PAFAH1B2: variants seen among roughly 807,000 people sequenced by gnomAD.
PAFAH1B2 encodes the protein platelet-activating factor acetylhydrolase IB subunit alpha2.
In PAFAH1B2, 8 loss-of-function variants were observed where a neutral mutation model predicts 28.0. The observed-to-expected ratio is 0.29, with a 90% CI of 0.17 to 0.52. The LOEUF is 0.52. Ranked by LOEUF, PAFAH1B2 falls within the 20% of genes least tolerant of loss-of-function variation. The pLI is 0.97. For missense variants in PAFAH1B2, 190 were observed against 282.6 expected, an observed-to-expected ratio of 0.67 and a Z score of 2.35; for synonymous variants, 104 against 103.2, an observed-to-expected ratio of 1.01 and a Z score of -0.05.
chr11:117,154,135 AC>A (rs1200902204), intron 2 of PAFAH1B2, among the ~76,000 whole-genome samples: 1 of 151,750 alleles, frequency 6.6e-6, no homozygotes, highest in African/African-American at 2.4e-5. Flanking sequence ...AAAGAAGTAT[AC>A]CACAGTTGAT....
At position 117,168,773 on chromosome 11, in the gene PAFAH1B2, T is replaced by C; in HGVS notation, c.*1074T>C. On this transcript the variant is annotated 3_prime_UTR_variant, in exon 6 of 6. Coordinates refer to ENST00000527958, the MANE Select transcript of PAFAH1B2 (RefSeq NM_002572.4). ...ATATCTTAAGGTGTATATTTTATTTTTTTTATTGGCTTAGTTGTTTTTTGT... is the reference window on the plus strand; with the variant it reads ...ATATCTTAAGGTGTATATTTTATTTCTTTTATTGGCTTAGTTGTTTTTTGT... 9.9e-7 allele frequency: 1 copy of C among 1,008,918 alleles called. No homozygotes were observed. Among genetic ancestry groups the C allele is most frequent in the Non-Finnish European group, 1.2e-6 (1 of 832,366 alleles). The allele number at this position is 1,008,918 out of a possible 1,614,324, so 62.5% of individuals were successfully genotyped here.
downstream of PAFAH1B2, chr11:117,171,803 G>GT (rs1357937269): frequency 2.2e-6 from 3 of 1,365,276 alleles, no homozygotes; most frequent in Non-Finnish European, 3.0e-6. Flanking sequence ...TGTGATCTTT[G>GT]TATCATTTGC....
rs1956606447 is a variant in PAFAH1B2 at position 117,169,733 on chromosome 11, A to C, written c.*2034A>C. 9.5e-7 allele frequency: 1 copy of C among 1,057,820 alleles called. No individual in the cohort carries two copies. The highest frequency in any genetic ancestry group is 5.3e-5 in the East Asian group (1 of 19,000). 65.5% of individuals were successfully genotyped at this position (1,057,820 alleles called of 1,614,324 possible). On this transcript the variant is annotated 3_prime_UTR_variant, in exon 6 of 6. Coordinates refer to ENST00000527958, the MANE Select transcript of PAFAH1B2 (RefSeq NM_002572.4). ...TTTAGTAGCCCAGGTTGAGTTTTTC[A>C]CAAGAGATTTTTTTCTTAGCTGAGG...
chr11:117,170,444 A>AG lies in PAFAH1B2; in HGVS notation c.*2748dup, dbSNP rs1956625795. On this transcript the variant is annotated 3_prime_UTR_variant, in exon 6 of 6. Transcript: ENST00000527958. Reference sequence around the variant, plus strand: ...GAAGATGTACTGCCACGGGTGATCTAGGGCAGGCTGTCTTCCAGTCCATGT... The same window carrying AG: ...GAAGATGTACTGCCACGGGTGATCTAGGGGCAGGCTGTCTTCCAGTCCATGT... 12 of 1,059,618 alleles carry AG rather than the reference A, an allele frequency of 1.1e-5. No individual in the cohort carries two copies. In the South Asian group the frequency reaches 4.6e-4, roughly 40 times the overall value. The allele number at this position is 1,059,618 out of a possible 1,614,324, so 65.6% of individuals were successfully genotyped here.
intron 5 of PAFAH1B2, 173 bp downstream of exon 5, chr11:117,164,065 C>G (rs1565271430): frequency 1.6e-6 from 1 of 620,982 alleles, no homozygotes; most frequent in East Asian, 2.9e-5. Flanking sequence ...TCATCATTCC[C>G]CATACCAGCT....
At chr11:117,159,685 A>G in intron 2 of PAFAH1B2, 2 of 381,026 alleles carry the variant, frequency 5.2e-6, no homozygotes, top group South Asian at 1.1e-4. Flanking sequence ...CAGTGAGCCA[A>G]GATCACGCCA....
At chr11:117,152,336 C>A in intron 1 of PAFAH1B2, 105 bp from the exon 2 acceptor site, 2 of 672,142 alleles carry the variant, frequency 3.0e-6, no homozygotes, top group South Asian at 1.8e-5. Context: ...CTAGGCAAAC[C>A]ACATAAAACT....
downstream of PAFAH1B2, chr11:117,171,740 T>TA (rs1449006281): frequency 6.5e-7 from 1 of 1,535,504 alleles, no homozygotes; most frequent in East Asian, 2.4e-5. Context: ...AGGCCAGCAA[T>TA]ATTACAGTGA....
chr11:117,170,085 C>G lies in PAFAH1B2; in HGVS notation c.*2386C>G. 9.5e-7 allele frequency: 1 copy of G among 1,055,834 alleles called. No homozygotes were observed. The highest frequency in any genetic ancestry group is 1.1e-6 in the Non-Finnish European group (1 of 873,480). The allele number at this position is 1,055,834 out of a possible 1,614,324, so 65.4% of individuals were successfully genotyped here. On this transcript the variant is annotated 3_prime_UTR_variant, in exon 6 of 6. Coordinates refer to ENST00000527958, the MANE Select transcript of PAFAH1B2 (RefSeq NM_002572.4). The stretch of plus-strand genomic sequence containing the variant: ...ATTACTGATGTGCAGATATTGAGTT[C>G]ACTTTCATTTTTTGCCAGATTTCTT...
At chr11:117,174,164 TTGTGTGTG>T (rs55735449), downstream of PAFAH1B2, among the ~76,000 whole-genome samples, 2,780 of 138,900 alleles carry the variant, frequency 0.02, 89 homozygotes, top group African/African-American at 0.066. Context: ...TTCATGTCTT[TTGTGTGTG>T]TGTGTGTGTG....
At chr11:117,175,647 T>A (rs184622691), downstream of PAFAH1B2, 4 of 1,281,840 alleles carry the variant, frequency 3.1e-6, no homozygotes, top group East Asian at 6.3e-5. Context: ...TCATTGTGCA[T>A]AGCAAGCTTC....
At chr11:117,144,835 C>T (rs1955958012) in intron 1 of PAFAH1B2, among the ~76,000 whole-genome samples, 1 of 152,190 alleles carries the variant, frequency 6.6e-6, no homozygotes, top group East Asian at 1.9e-4. Flanking sequence ...AGCTCCTGCC[C>T]GGGTCTCCGC....
At chr11:117,159,767 T>G in intron 2 of PAFAH1B2, 167 bp from the exon 3 acceptor site, 2 of 520,188 alleles carry the variant, frequency 3.8e-6, no homozygotes, top group Non-Finnish European at 6.9e-6. Flanking sequence ...AAAAAAGTTG[T>G]TTTTGTAGAG....
intron 2 of PAFAH1B2, among the ~76,000 whole-genome samples, chr11:117,155,145 A>T (rs1245094718): frequency 1.3e-5 from 2 of 152,026 alleles, no homozygotes; most frequent in East Asian, 3.9e-4. Flanking sequence ...AGTAGAGACG[A>T]GGTTTCCCCG....
intron 2 of PAFAH1B2, among the ~76,000 whole-genome samples, chr11:117,158,219 CT>C: frequency 6.6e-6 from 1 of 151,854 alleles, no homozygotes; most frequent in Non-Finnish European, 1.5e-5. Flanking sequence ...TCTTTCTTTT[CT>C]TCATAGTGAA....
downstream of PAFAH1B2, chr11:117,175,938 T>G: frequency 6.5e-7 from 1 of 1,535,132 alleles, no homozygotes; most frequent in South Asian, 1.2e-5. Flanking sequence ...AGGATTACCA[T>G]GAAAGAAAAG....
downstream of PAFAH1B2, among the ~76,000 whole-genome samples, chr11:117,172,375 T>TTTTTTTTAC (rs1956676405): frequency 2.4e-3 from 6 of 2,480 alleles, 1 homozygote; most frequent in Admixed American, 6.6e-3. Flanking sequence ...TATATATATA[T>TTTTTTTTAC]ATATATATAT....
intron 5 of PAFAH1B2, among the ~76,000 whole-genome samples, chr11:117,165,716 TAAAG>T (rs1232516618): frequency 6.6e-6 from 1 of 151,832 alleles, no homozygotes; most frequent in Non-Finnish European, 1.5e-5. Flanking sequence ...TATAGAAAAA[TAAAG>T]AGAATTGAGC....
At chr11:117,149,067 A>G (rs1387222012) in intron 1 of PAFAH1B2, among the ~76,000 whole-genome samples, 1 of 131,024 alleles carries the variant, frequency 7.6e-6, no homozygotes, top group African/African-American at 2.8e-5. Context: ...TATTTTTAGT[A>G]GAGATGGATT....
Sources: allele counts gnomAD v4.1 joint callset (sites outside exome capture counted in the v4.1 genomes callset), GRCh38; gene constraint gnomAD v4.1.1; transcripts MANE v1.5; gene names NCBI Gene and HGNC (gene_info 2026-07-23, HGNC 2026-07-21).